Variants in ZMYM4 observed in about 807,000 individuals in gnomAD.
ZMYM4 encodes zinc finger MYM-type containing 4.
A neutral mutation model predicts 183.2 loss-of-function variants in ZMYM4; 31 were observed. That is an observed-to-expected ratio of 0.17 (90% CI 0.13 to 0.23). The LOEUF is 0.23. Among genes scored for constraint, ZMYM4 ranks in the 10% least tolerant of loss-of-function variants. The pLI is 1.00. For missense variants in ZMYM4, 1,273 were observed against 1,840.3 expected (o/e 0.69, Z 5.64); for synonymous variants, 592 against 631.2 (o/e 0.94, Z 0.93).
chr1:35,318,966 A>G (rs1243910998), intron 1 of ZMYM4, among the ~76,000 whole-genome samples: 1 of 152,058 alleles, frequency 6.6e-6, no homozygotes, highest in African/African-American at 2.4e-5. Flanking sequence ...GGCTCACCAC[A>G]ACCTCCGCCT....
Position 35,390,006 on chromosome 1 carries a change from G to A in ZMYM4, c.2495G>A (p.Arg832Gln), listed in dbSNP as rs762464983. The A allele has an allele frequency of 5.0e-6, 8 of 1,613,898 alleles. No individual in the cohort carries two copies. Among genetic ancestry groups the A allele is most frequent in the African/African-American group, 2.7e-5 (2 of 74,990 alleles). ...QGKLSESLKWRGEMKHFCNLL... is the reference protein window; with the variant it reads ...QGKLSESLKWQGEMKHFCNLL... ...AAACTCAGTGAGTCCTTGAAATGGC[G>A]AGGGGAAATGAAACATTTCTGTAAC... is the stretch of plus-strand genomic sequence containing the variant. Residue 832 changes from arginine (R) to glutamine (Q), a missense_variant, in exon 15 of 30, where the codon CGA becomes CAA. Physicochemically the swap from Arg to Gln is conservative, Grantham distance 43. Transcript: ENST00000314607.
chr1:35,305,087 A>G (rs1000182567), intron 1 of ZMYM4, among the ~76,000 whole-genome samples: 13 of 152,164 alleles, frequency 8.5e-5, no homozygotes, highest in South Asian at 4.2e-4. Flanking sequence ...CTCGTGATCC[A>G]TCCGCCTTGG....
intron 1 of ZMYM4, among the ~76,000 whole-genome samples, chr1:35,296,674 TCA>T (rs1641028066): frequency 6.6e-6 from 1 of 152,014 alleles, no homozygotes; most frequent in South Asian, 2.1e-4. Flanking sequence ...CATGAGGATA[TCA>T]CATGATTTTC....
At chr1:35,322,442 A>T (rs903829646) in intron 1 of ZMYM4, among the ~76,000 whole-genome samples, 6 of 151,814 alleles carry the variant, frequency 4.0e-5, no homozygotes, top group Admixed American at 3.9e-4. Context: ...TTTATTTTTA[A>T]CTTATCTGGG....
Position 35,415,719 on chromosome 1 carries a change from G to A in ZMYM4, c.4309+5G>A, listed in dbSNP as rs376528597. On this transcript the variant is annotated splice_donor_5th_base_variant and intron_variant, in intron 28 of 29. Coordinates refer to ENST00000314607, the MANE Select transcript of ZMYM4 (RefSeq NM_005095.3). The stretch of plus-strand genomic sequence containing the variant: ...AGAAGCAGGAGTCAGAACCAGGTAC[G>A]GGATACTGTTTGTCAGATTTCTCTT... 9.8e-5 allele frequency: 157 copies of A among 1,608,560 alleles called. No individual in the cohort carries two copies. Among genetic ancestry groups the A allele is most frequent in the Middle Eastern group, 6.6e-4 (4 of 6,078 alleles).
At chr1:35,306,975 G>C (rs1323294306) in intron 1 of ZMYM4, among the ~76,000 whole-genome samples, 1 of 152,106 alleles carries the variant, frequency 6.6e-6, no homozygotes, top group Non-Finnish European at 1.5e-5. Flanking sequence ...TTCATTTTCA[G>C]ATCTGTTTTA....
At position 35,376,105 on chromosome 1, in the gene ZMYM4, A is replaced by G. The variant is rs555219664; in HGVS notation, c.1182-5154A>G. On this transcript the variant is annotated intron_variant, in intron 7 of 29. Transcript: ENST00000314607. ...AAAAAAAAAAAATCTCATATTTTGC[A>G]GAGAAGAGGTAATTTGGAGGATAAT... Among the ~76,000 whole-genome samples the G allele has an allele frequency of 3.3e-5, 5 of 152,168 alleles. No homozygotes were observed. The South Asian group carries it at 1.0e-3, about 32-fold the overall frequency.
At chr1:35,286,879 T>C (rs1338737566) in intron 1 of ZMYM4, among the ~76,000 whole-genome samples, 2 of 134,372 alleles carry the variant, frequency 1.5e-5, no homozygotes, top group African/African-American at 5.5e-5. Context: ...GTCCTCCACC[T>C]CTGCCTCCCA....
Position 35,415,687 on chromosome 1 carries a change from C to T in ZMYM4, c.4282C>T (p.Pro1428Ser). 2 of 1,613,478 alleles carry T rather than the reference C, an allele frequency of 1.2e-6. No homozygotes were observed. Among genetic ancestry groups the T allele is most frequent in the Non-Finnish European group, 1.7e-6 (2 of 1,180,016 alleles). The change falls in exon 28 of 30, where the codon CCT (proline) becomes TCT (serine). Residue 1428 changes from proline (P) to serine (S), a missense_variant. By Grantham distance (74) the Pro-to-Ser change is moderately conservative (BLOSUM62 -1). Around this residue, in one of 6 missense-constraint regions of ZMYM4, gnomAD observed 145 missense variants for 331.6 expected, o/e 0.44. Transcript: ENST00000314607. ...GATGACATATCTGAGGTTCTTCCCA[C>T]CTTTACAGAAGCAGGAGTCAGAACC... ...TKMTYLRFFPPLQKQESEPDK... is the reference protein window; with the variant it reads ...TKMTYLRFFPSLQKQESEPDK...
At chr1:35,318,383 T>C (rs1642145607) in intron 1 of ZMYM4, among the ~76,000 whole-genome samples, 1 of 152,026 alleles carries the variant, frequency 6.6e-6, no homozygotes, top group Admixed American at 6.6e-5. Context: ...CATGGAAAAG[T>C]TGCTTATTCT....
intron 1 of ZMYM4, among the ~76,000 whole-genome samples, chr1:35,289,962 TTTTTCTTTTC>T (rs901259995): frequency 6.6e-6 from 1 of 151,782 alleles, no homozygotes; most frequent in Admixed American, 6.6e-5. Context: ...TCTTTTCTTT[TTTTTCTTTTC>T]TTTTCTTTTC....
intron 1 of ZMYM4, among the ~76,000 whole-genome samples, chr1:35,300,064 G>A (rs1485388836): frequency 1.3e-5 from 2 of 151,186 alleles, no homozygotes; most frequent in Non-Finnish European, 2.9e-5. Flanking sequence ...CAAAGTGCTG[G>A]GATTACAGGC....
At chr1:35,320,549 G>A (rs1642238735) in intron 1 of ZMYM4, among the ~76,000 whole-genome samples, 1 of 152,088 alleles carries the variant, frequency 6.6e-6, no homozygotes, top group Non-Finnish European at 1.5e-5. Context: ...TGAACCTGAG[G>A]TGGGGGTTGC....
At chr1:35,407,082 A>C (rs1014447221) in intron 25 of ZMYM4, among the ~76,000 whole-genome samples, 4 of 152,176 alleles carry the variant, frequency 2.6e-5, no homozygotes, top group African/African-American at 9.7e-5. Flanking sequence ...TCCAAAGGCA[A>C]GAGGGTGTTA....
At chr1:35,310,375 A>C in intron 1 of ZMYM4, 1 of 252,290 alleles carries the variant, frequency 4.0e-6, no homozygotes, top group Non-Finnish European at 7.7e-6. Context: ...CTAATATTAC[A>C]AGGGTCTCTG....
chr1:35,392,513 A>G, intron 16 of ZMYM4, 134 bp from the exon 17 acceptor site: 1 of 1,275,072 alleles, frequency 7.8e-7, no homozygotes. Flanking sequence ...TAGAATTGCT[A>G]GTTTCTTCCG....
chr1:35,352,390 A>ACGCGCGCGCG (rs1643659691), intron 2 of ZMYM4, among the ~76,000 whole-genome samples: 1 of 137,472 alleles, frequency 7.3e-6, no homozygotes, highest in Non-Finnish European at 1.6e-5. Context: ...ATTAGCGCAC[A>ACGCGCGCGCG]CACACACACA....
intron 1 of ZMYM4, among the ~76,000 whole-genome samples, chr1:35,313,873 C>A (rs948049095): frequency 1.3e-5 from 2 of 152,074 alleles, no homozygotes; most frequent in Middle Eastern, 3.4e-3. Context: ...CTGAAAGGGC[C>A]GGTCTTTCAA....
intron 2 of ZMYM4, among the ~76,000 whole-genome samples, chr1:35,348,263 C>T (rs1643472018): frequency 6.6e-6 from 1 of 152,112 alleles, no homozygotes; most frequent in Non-Finnish European, 1.5e-5. Flanking sequence ...TTTTGGTAAG[C>T]TATAAAATCA....
Sources: allele counts gnomAD v4.1 joint callset (sites outside exome capture counted in the v4.1 genomes callset), GRCh38; gene constraint gnomAD v4.1.1; regional missense constraint gnomAD v4.1.1; transcripts MANE v1.5; gene names NCBI Gene and HGNC (gene_info 2026-07-23, HGNC 2026-07-21).